Variants in HBS1L observed in about 807,000 individuals in gnomAD.
HBS1L encodes HBS1 like translational GTPase.
In HBS1L, 55 loss-of-function variants were observed where a neutral mutation model predicts 88.9. The ratio of observed to expected loss-of-function variants is 0.62; its 90% CI spans 0.50 to 0.77. The LOEUF is 0.77. Among genes scored for constraint, HBS1L ranks in the 30% least tolerant of loss-of-function variants. HBS1L has a pLI of 0.00. For synonymous variants in HBS1L, 267 were observed against 288.5 expected, an observed-to-expected ratio of 0.93 and a Z score of 0.76; for missense variants, 741 against 829.3, an observed-to-expected ratio of 0.89 and a Z score of 1.31.
chr6:135,042,827 AAAAAAAAAAAAC>A (rs1776786071), intron 2 of HBS1L, among the ~76,000 whole-genome samples: 1 of 36,180 alleles, frequency 2.8e-5, no homozygotes, highest in African/African-American at 8.3e-5. Flanking sequence ...AAAAAAAAAC[AAAAAAAAAAAAC>A]AGAAAAGAAA....
At chr6:135,024,497 T>C (rs1314054637) in intron 4 of HBS1L, among the ~76,000 whole-genome samples, 2 of 148,780 alleles carry the variant, frequency 1.3e-5, no homozygotes, top group African/African-American at 4.9e-5. Flanking sequence ...TTTTAATTTC[T>C]GAATTTTCCT....
At chr6:135,037,435 C>T (rs1338745892) in intron 4 of HBS1L, 1 of 1,549,520 alleles carries the variant, frequency 6.5e-7, no homozygotes, top group Admixed American at 2.0e-5. Flanking sequence ...AGTTTCTTTA[C>T]TAGCATTTAA....
chr6:134,987,621 A>G (rs747563918), intron 9 of HBS1L, 24 bp downstream of exon 9: 6 of 1,563,778 alleles, frequency 3.8e-6, no homozygotes, highest in Non-Finnish European at 5.2e-6. Flanking sequence ...ATCTTAAACA[A>G]ATCTCCACAA....
intron 12 of HBS1L, among the ~76,000 whole-genome samples, chr6:134,984,993 T>C (rs968653382): frequency 6.1e-4 from 92 of 152,038 alleles, no homozygotes; most frequent in African/African-American, 2.2e-3. Context: ...AATAAACACA[T>C]CCTGTGTGGT....
At chr6:134,985,240 C>G (rs1774943791) in intron 12 of HBS1L, 101 bp downstream of exon 12, 1 of 607,130 alleles carries the variant, frequency 1.6e-6, no homozygotes. Flanking sequence ...AGGAGAGACT[C>G]TGAAGGCAAT....
rs148342402 is a variant in HBS1L, at chr6:135,053,589, C to A, written c.43+1060G>T. On this transcript the variant is annotated intron_variant, in intron 1 of 17. Transcript: ENST00000367837. ...TCTAAAGTAACCACCAGAAAATTCA[C>A]ATGTTCTAGACGGACTGAGGTCACA... Among the ~76,000 whole-genome samples the A allele has an allele frequency of 2.0e-5, 3 of 152,332 alleles. No individual in the cohort carries two copies. The East Asian group carries it at 5.8e-4, about 29-fold the overall frequency.
chr6:135,024,593 C>A (rs1583128887), intron 4 of HBS1L, among the ~76,000 whole-genome samples: 1 of 147,894 alleles, frequency 6.8e-6, no homozygotes. Context: ...AGGGAAATAA[C>A]ATCAGAAAAC....
intron 4 of HBS1L, among the ~76,000 whole-genome samples, chr6:135,019,231 A>C (rs528747046): frequency 1.2e-4 from 18 of 151,968 alleles, no homozygotes; most frequent in Non-Finnish European, 2.5e-4. Context: ...AAATCCAAGC[A>C]GTCTAACACA....
intron 4 of HBS1L, among the ~76,000 whole-genome samples, chr6:135,035,336 G>C (rs1776502092): frequency 6.6e-6 from 1 of 151,830 alleles, no homozygotes; most frequent in African/African-American, 2.4e-5. Context: ...TGTAGTCCCA[G>C]CTACTCAGGA....
chr6:134,979,186 G>C lies in HBS1L; in HGVS notation c.1680C>G (p.Ile560Met), dbSNP rs374148805. ...VSLTLVGMDI[I>M]KINVGCIFCG... ...CTCATTTTCTCACTCACTTGATTTT[G>C]ATGATATCCATCCCAACCAAAGTAA... The change falls in exon 14 of 18, where the codon ATC becomes ATG. Residue 560 changes from isoleucine (I) to methionine (M), a missense_variant. Physicochemically the swap from Ile to Met is conservative, Grantham distance 10. Transcript: ENST00000367837. 2.5e-6 allele frequency: 4 copies of C among 1,609,328 alleles called. No individual in the cohort carries two copies. In the African/African-American group the frequency reaches 4.0e-5, roughly 16 times the overall value.
intron 7 of HBS1L, among the ~76,000 whole-genome samples, chr6:134,995,709 T>G (rs184277781): frequency 4.6e-5 from 7 of 152,028 alleles, no homozygotes; most frequent in Admixed American, 1.3e-4. Context: ...TGAAAATTAT[T>G]TAGGCTTCTA....
chr6:134,973,137 G>C (rs1348242611), intron 15 of HBS1L, among the ~76,000 whole-genome samples: 1 of 152,162 alleles, frequency 6.6e-6, no homozygotes, highest in African/African-American at 2.4e-5. Flanking sequence ...ATAGATACTT[G>C]TACACCCGTT....
chr6:135,036,978 A>C, intron 4 of HBS1L: 3 of 1,551,560 alleles, frequency 1.9e-6, no homozygotes, highest in Non-Finnish European at 2.6e-6. Flanking sequence ...TTATAAGGAC[A>C]CTAAGATCAA....
Position 134,988,268 on chromosome 6 carries a change from T to C in HBS1L, c.1084-477A>G, listed in dbSNP as rs569003426. On this transcript the variant is annotated intron_variant, in intron 8 of 17. Coordinates refer to ENST00000367837, the MANE Select transcript of HBS1L (RefSeq NM_006620.4). ...ATCCCAGCTACTTGGGAGGCTAAGG[T>C]ATGAGGATCACTAGAACCTGAGAGG... Among the ~76,000 whole-genome samples the C allele has an allele frequency of 3.3e-5, 5 of 151,662 alleles. No homozygotes were observed. The South Asian group carries it at 8.3e-4, about 25-fold the overall frequency.
rs1422275726 is a variant in HBS1L at position 134,962,244 on chromosome 6, A to T, written c.*3035T>A. On this transcript the variant is annotated 3_prime_UTR_variant, in exon 18 of 18. Coordinates refer to ENST00000367837, the MANE Select transcript of HBS1L (RefSeq NM_006620.4). ...CTGTAATTGTTATTTTTATATCAAT[A>T]AAAAAAACCTCTAATACTTCTATTG... 2.0e-5 allele frequency: 2 copies of T among 98,290 alleles called. No individual in the cohort carries two copies. The highest frequency in any genetic ancestry group is 3.4e-5 in the African/African-American group (1 of 29,312). 6.1% of individuals were successfully genotyped at this position (98,290 alleles called of 1,614,324 possible). A position where few individuals can be genotyped will look rare whatever the true frequency, so the allele number is the denominator to read the frequency against.
chr6:135,053,908 A>G (rs985941317), intron 1 of HBS1L, among the ~76,000 whole-genome samples: 8 of 152,088 alleles, frequency 5.3e-5, no homozygotes, highest in African/African-American at 1.7e-4. Flanking sequence ...ATTCATACAG[A>G]CATTTTTATT....
At chr6:135,037,621 T>G (rs1776597384) in intron 4 of HBS1L, 4 of 1,548,446 alleles carry the variant, frequency 2.6e-6, no homozygotes, top group Non-Finnish European at 3.5e-6. Context: ...TGGTATTTCT[T>G]TGAATGCAGA....
chr6:135,023,326 C>T (rs1292054294), intron 4 of HBS1L, among the ~76,000 whole-genome samples: 1 of 152,092 alleles, frequency 6.6e-6, no homozygotes, highest in Non-Finnish European at 1.5e-5. Context: ...CGCCTGTAGT[C>T]CCAGCTACTT....
intron 14 of HBS1L, 99 bp from the exon 15 acceptor site, chr6:134,978,886 A>G (rs1206959383): frequency 1.4e-6 from 1 of 738,658 alleles, no homozygotes; most frequent in Non-Finnish European, 2.3e-6. Context: ...AAAACAATTA[A>G]GTAAATTAGG....
Sources: gnomAD v4.1 joint callset for allele counts (sites outside exome capture counted in the v4.1 genomes callset) on GRCh38, gnomAD v4.1.1 for gene constraint, MANE v1.5 for transcripts, NCBI Gene and HGNC (gene_info 2026-07-23, HGNC 2026-07-21) for gene names.